The following TLR7 variants were observed in gnomAD, a reference collection of about 807,000 sequenced individuals.
The protein encoded by TLR7 is toll-like receptor 7.
TLR7 carries 12 observed loss-of-function variants against 38.3 expected under a neutral mutation model. That is an observed-to-expected ratio of 0.31 (90% CI 0.20 to 0.51). The LOEUF is 0.51. Ranked by LOEUF, TLR7 falls within the 20% of genes least tolerant of loss-of-function variation. The pLI is 0.98. For synonymous variants in TLR7, 285 were observed against 293.8 expected, an observed-to-expected ratio of 0.97 and a Z score of 0.31; for missense variants, 504 against 743.4, an observed-to-expected ratio of 0.68 and a Z score of 3.74.
Position 12,887,185 on chromosome X carries a change from A to G in TLR7, c.1677A>G (p.Ser559=), listed in dbSNP as rs192695122. Residue 559 remains serine, a synonymous_variant, in exon 3 of 3, where the codon TCA becomes TCG. Coordinates refer to ENST00000380659, the MANE Select transcript of TLR7 (RefSeq NM_016562.4). ...FSNNRLDLLH[S]TAFEELHKLE... is the part of the protein sequence containing the mutation. ...ACAACCGGCTTGATTTACTCCATTCAACAGCATTTGAAGAGCTTCACAAAC... is the reference window on the plus strand; with the variant it reads ...ACAACCGGCTTGATTTACTCCATTCGACAGCATTTGAAGAGCTTCACAAAC... 8.3e-7 allele frequency: 1 copy of G among 1,210,466 alleles called. No homozygotes were observed. Among genetic ancestry groups the G allele is most frequent in the African/African-American group, 1.7e-5 (1 of 57,393 alleles).
chrX:12,882,521 A>C, intron 2 of TLR7, among the ~76,000 whole-genome samples: 1 of 111,579 alleles, frequency 9.0e-6, no homozygotes, highest in Non-Finnish European at 1.9e-5. Flanking sequence ...GAGGCTAAAA[A>C]TTTCACAGTC....
chrX:12,883,647 A>G (rs972898241), intron 2 of TLR7, among the ~76,000 whole-genome samples: 1 of 111,596 alleles, frequency 9.0e-6, no homozygotes. Flanking sequence ...AAACTGACTG[A>G]TTAAGGTTTG....
In TLR7 at chrX:12,889,419, CAA is replaced by C. The variant is rs1163266448; in HGVS notation, c.*767_*768del. 1 of 109,413 alleles carries C rather than the reference CAA, an allele frequency of 9.1e-6. No homozygotes were observed. The highest frequency in any genetic ancestry group is 1.9e-5 in the Non-Finnish European group (1 of 52,355). The allele number at this position is 109,413 out of a possible 1,213,427, so 9.0% of individuals were successfully genotyped here. On this transcript the variant is annotated 3_prime_UTR_variant, in exon 3 of 3. Transcript: ENST00000380659. ...TCAAAAGAACAAAAAAAAAAAAACA[CAA>C]AAAAACTCAGTCAGCTTCTTAACCA... is the stretch of plus-strand genomic sequence containing the variant.
Position 12,889,295 on chromosome X carries a change from G to A in TLR7, c.*637G>A, listed in dbSNP as rs1285218056. On this transcript the variant is annotated 3_prime_UTR_variant, in exon 3 of 3. Transcript: ENST00000380659. ...TGCCTGTAATCCCAGCTACTTGGGA[G>A]GCTGAGGCAGGAGAATCGCTTGAAC... The A allele has an allele frequency of 1.8e-5, 2 of 111,270 alleles. No homozygotes were observed. Among genetic ancestry groups the A allele is most frequent in the Non-Finnish European group, 3.8e-5 (2 of 53,092 alleles). The allele number at this position is 111,270 out of a possible 1,213,427, so 9.2% of individuals were successfully genotyped here. A position where few individuals can be genotyped will look rare whatever the true frequency, so the allele number is the denominator to read the frequency against.
intron 2 of TLR7, among the ~76,000 whole-genome samples, chrX:12,873,627 A>T (rs1316185816): frequency 8.9e-6 from 1 of 112,242 alleles, no homozygotes; most frequent in African/African-American, 3.2e-5. Flanking sequence ...AGAAGGGTAT[A>T]ACATAAAAAT....
At chrX:12,878,350 T>C (rs150917297) in intron 2 of TLR7, among the ~76,000 whole-genome samples, 1 of 112,099 alleles carries the variant, frequency 8.9e-6, no homozygotes, top group Admixed American at 9.5e-5. Context: ...CTGTTGTTTT[T>C]TAATGACCTG....
At chrX:12,880,000 GT>G (rs1348220115) in intron 2 of TLR7, among the ~76,000 whole-genome samples, 1 of 112,104 alleles carries the variant, frequency 8.9e-6, no homozygotes, top group Non-Finnish European at 1.9e-5. Context: ...ACAACGTACA[GT>G]TCAGCTACAC....
Position 12,889,842 on chromosome X carries a change from C to G in TLR7, c.*1184C>G, listed in dbSNP as rs2042925165. Reference sequence around the variant, plus strand: ...ACGTTAGATGGTTTTGATGGTAAACCCTAAAGGAGGACTCCAAGAGTGTGT... The same window carrying G: ...ACGTTAGATGGTTTTGATGGTAAACGCTAAAGGAGGACTCCAAGAGTGTGT... On this transcript the variant is annotated 3_prime_UTR_variant, in exon 3 of 3. Transcript: ENST00000380659. 8.9e-6 allele frequency: 1 copy of G among 111,867 alleles called. No homozygotes were observed. Among genetic ancestry groups the G allele is most frequent in the African/African-American group, 3.3e-5 (1 of 30,762 alleles). The allele number at this position is 111,867 out of a possible 1,213,427, so 9.2% of individuals were successfully genotyped here.
chrX:12,879,019 T>A (rs2042882483), intron 2 of TLR7, among the ~76,000 whole-genome samples: 1 of 111,919 alleles, frequency 8.9e-6, no homozygotes, highest in Non-Finnish European at 1.9e-5. Context: ...AAGTGTAGAG[T>A]TGCAGCCAGA....
In TLR7 at chrX:12,867,635, C is replaced by G. The variant is rs758301366; in HGVS notation, c.3+54C>G. On this transcript the variant is annotated intron_variant, in intron 2 of 2. Coordinates refer to ENST00000380659, the MANE Select transcript of TLR7 (RefSeq NM_016562.4). ...GTGTTATCTGTAATCTTTGTGGAAA[C>G]AACTGAAACCAGCTGGCAAGAGCAA... 1.3e-5 allele frequency: 15 copies of G among 1,119,905 alleles called. No homozygotes were observed. The African/African-American group carries it at 2.7e-4, about 20-fold the overall frequency. 92.3% of individuals were successfully genotyped at this position (1,119,905 alleles called of 1,213,427 possible).
chrX:12,873,724 A>G (rs2042861202), intron 2 of TLR7, among the ~76,000 whole-genome samples: 1 of 112,004 alleles, frequency 8.9e-6, no homozygotes, highest in Admixed American at 9.4e-5. Context: ...ATTCTTTCCT[A>G]CTTTTCTCTG....
chrX:12,876,532 A>G (rs1569107590), intron 2 of TLR7, among the ~76,000 whole-genome samples: 1 of 112,002 alleles, frequency 8.9e-6, no homozygotes, highest in East Asian at 2.8e-4. Context: ...GAGAATATTT[A>G]TATGGCCTTT....
At chrX:12,878,464 C>T (rs2147243038) in intron 2 of TLR7, among the ~76,000 whole-genome samples, 1 of 111,892 alleles carries the variant, frequency 8.9e-6, no homozygotes, top group East Asian at 2.8e-4. Context: ...TACCATCTGG[C>T]CCTTTACAGA....
intron 2 of TLR7, among the ~76,000 whole-genome samples, chrX:12,878,281 G>A (rs1435481446): frequency 4.4e-5 from 5 of 112,520 alleles, no homozygotes; most frequent in African/African-American, 9.7e-5. Flanking sequence ...GTCTAGACCA[G>A]AGGTCTGCCA....
chrX:12,887,680 C>G lies in TLR7; in HGVS notation c.2172C>G (p.Ser724Arg), dbSNP rs775736639. Reference protein sequence around the residue: ...VPERLSNCSRSLKNLILKNNQ... With the variant: ...VPERLSNCSRRLKNLILKNNQ... ...AGAGATTATCCAACTGTTCCAGAAG[C>G]CTCAAGAATCTGATTCTTAAGAATA... Residue 724 changes from serine (S) to arginine (R), a missense_variant, in exon 3 of 3, where the codon AGC (serine) becomes AGG (arginine). Ser to Arg is a moderately radical substitution (Grantham distance 110). Coordinates refer to ENST00000380659, the MANE Select transcript of TLR7 (RefSeq NM_016562.4). 1.2e-5 allele frequency: 15 copies of G among 1,209,746 alleles called. No homozygotes were observed. The highest frequency in any genetic ancestry group is 8.7e-5 in the African/African-American group (5 of 57,243).
intron 2 of TLR7, among the ~76,000 whole-genome samples, chrX:12,877,043 G>T (rs1183978118): frequency 8.9e-6 from 1 of 112,153 alleles, no homozygotes; most frequent in African/African-American, 3.2e-5. Context: ...TTGAAGCTAA[G>T]GTTCCAGCTT....
chrX:12,878,733 C>G (rs2147243117), intron 2 of TLR7, among the ~76,000 whole-genome samples: 1 of 109,957 alleles, frequency 9.1e-6, no homozygotes, highest in South Asian at 3.8e-4. Context: ...CGGTGCTCCC[C>G]TCTCTCAATT....
rs375049607 is a variant in TLR7 at position 12,878,555 on chromosome X, C to T, written c.4-6957C>T. ...ATGATGAAAATGGTCTCTATCTGTA[C>T]CCTTGAATACAGCAGCCACTAGCCT... On this transcript the variant is annotated intron_variant, in intron 2 of 2. Transcript: ENST00000380659. 8.9e-5 allele frequency among the ~76,000 whole-genome samples: 10 copies of T among 112,240 alleles called. No individual in the cohort carries two copies. In the East Asian group the frequency reaches 1.9e-3, roughly 22 times the overall value.
chrX:12,882,640 C>T (rs769502860), intron 2 of TLR7, among the ~76,000 whole-genome samples: 2 of 111,777 alleles, frequency 1.8e-5, no homozygotes, highest in Non-Finnish European at 3.8e-5. Context: ...ATCAAGACAA[C>T]AAATCAGGCA....
Sources: gnomAD v4.1 joint callset for allele counts (sites outside exome capture counted in the v4.1 genomes callset) on GRCh38, gnomAD v4.1.1 for gene constraint, MANE v1.5 for transcripts, NCBI Gene and HGNC (gene_info 2026-07-23, HGNC 2026-07-21) for gene names.